The following GABRR2 variants were observed in gnomAD, a reference collection of about 807,000 sequenced individuals.
The protein encoded by GABRR2 is gamma-aminobutyric acid type A receptor subunit rho2, also known as gamma-aminobutyric acid receptor subunit rho-2.
In GABRR2, 36 loss-of-function variants were observed where a neutral mutation model predicts 47.0. The ratio of observed to expected loss-of-function variants is 0.77; its 90% CI spans 0.59 to 1.01. The LOEUF (loss-of-function observed/expected upper bound fraction) is 1.01, where lower values mean the gene tolerates loss of function less well. GABRR2 is among the 50% of genes least tolerant of loss of function. GABRR2 has a pLI of 0.00. For missense variants in GABRR2, 587 were observed against 594.6 expected, an observed-to-expected ratio of 0.99 and a Z score of 0.13; for synonymous variants, 204 against 227.5, an observed-to-expected ratio of 0.90 and a Z score of 0.93.
Position 89,258,722 on chromosome 6 carries a change from T to A in GABRR2, c.1087-741A>T, listed in dbSNP as rs568246225. ...GGTGACAGAGCAAAACCCTGTCTCT[T>A]TTTTTTAAAAAAAAAAGAAAGAAAG... On this transcript the variant is annotated intron_variant, in intron 8 of 8. Coordinates refer to ENST00000402938, the MANE Select transcript of GABRR2 (RefSeq NM_002043.5). Among the ~76,000 whole-genome samples the A allele has an allele frequency of 4.1e-3, 590 of 142,288 alleles. 9 individuals carry two copies. Among genetic ancestry groups the A allele is most frequent in the African/African-American group, 0.016 (572 of 36,274 alleles). The allele number at this position is 142,288 out of a possible 152,430, so 93.3% of individuals were successfully genotyped here.
At chr6:89,259,723 C>T (rs903683183) in intron 8 of GABRR2, among the ~76,000 whole-genome samples, 1 of 151,692 alleles carries the variant, frequency 6.6e-6, no homozygotes, top group Non-Finnish European at 1.5e-5. Flanking sequence ...AGGCTGGTCT[C>T]GAACTCCTGA....
At chr6:89,268,130 G>A (rs772398615) in intron 4 of GABRR2, 34 bp from the exon 5 acceptor site, 18 of 1,524,406 alleles carry the variant, frequency 1.2e-5, no homozygotes, top group African/African-American at 8.2e-5. Flanking sequence ...TGGCTTGTGC[G>A]GTGAATTATT....
chr6:89,303,103 G>A (rs1767485487), intron 1 of GABRR2: 1 of 654,176 alleles, frequency 1.5e-6, no homozygotes, highest in Non-Finnish European at 2.6e-6. Flanking sequence ...GGAGGCCCAG[G>A]GCCCCAAGTG....
At chr6:89,286,238 A>C (rs1765085847) in intron 2 of GABRR2, among the ~76,000 whole-genome samples, 1 of 152,222 alleles carries the variant, frequency 6.6e-6, no homozygotes, top group African/African-American at 2.4e-5. Context: ...AGAGAGTAGA[A>C]TAGTGGTTGC....
In GABRR2 at chr6:89,269,252, A is replaced by G. The variant is rs752938192; in HGVS notation, c.289-18T>C. On this transcript the variant is annotated intron_variant, in intron 3 of 8. Transcript: ENST00000402938. ...GTGAAGTCCTGTGGGAGCCGGGGTG[A>G]GACCAGACAAAAATGGCTTAGAAGG... The G allele has an allele frequency of 2.4e-5, 38 of 1,600,580 alleles. No homozygotes were observed. The East Asian group carries it at 8.5e-4, about 36-fold the overall frequency.
chr6:89,290,537 G>A (rs1774418336), intron 2 of GABRR2, among the ~76,000 whole-genome samples: 1 of 152,222 alleles, frequency 6.6e-6, no homozygotes, highest in African/African-American at 2.4e-5. Flanking sequence ...GCCCAAGTGT[G>A]GCCGGGAAGG....
chr6:89,255,645 C>T lies in GABRR2; in HGVS notation c.*2025G>A, dbSNP rs1369816074. ...CCCTAGTGTTGTGGAAAAAGCTAGTCGCTCACCTCCTCTTATCACAGCCTA... is the reference window on the plus strand; with the variant it reads ...CCCTAGTGTTGTGGAAAAAGCTAGTTGCTCACCTCCTCTTATCACAGCCTA... On this transcript the variant is annotated 3_prime_UTR_variant, in exon 9 of 9. Transcript: ENST00000402938. Among the ~76,000 whole-genome samples the T allele has an allele frequency of 2.0e-5, 3 of 152,058 alleles. No individual in the cohort carries two copies. The highest frequency in any genetic ancestry group is 6.6e-5 in the Admixed American group (1 of 15,262).
intron 2 of GABRR2, among the ~76,000 whole-genome samples, chr6:89,276,790 A>G (rs1774170442): frequency 6.6e-6 from 1 of 152,250 alleles, no homozygotes; most frequent in Non-Finnish European, 1.5e-5. Context: ...ATTGTTAAAT[A>G]TAGAGTCAGT....
chr6:89,265,825 C>A, intron 6 of GABRR2, 60 bp from the exon 7 acceptor site: 2 of 1,546,330 alleles, frequency 1.3e-6, no homozygotes, highest in Non-Finnish European at 1.8e-6. Flanking sequence ...CAAACTGTGT[C>A]CCTGGGAACC....
At chr6:89,289,402 A>G (rs1003982395) in intron 2 of GABRR2, among the ~76,000 whole-genome samples, 1 of 152,224 alleles carries the variant, frequency 6.6e-6, no homozygotes, top group African/African-American at 2.4e-5. Flanking sequence ...GCCAGAGGTG[A>G]TGCTGGAAGA....
intron 4 of GABRR2, among the ~76,000 whole-genome samples, chr6:89,268,658 G>A (rs1015745867): frequency 4.2e-5 from 1 of 23,544 alleles, no homozygotes; most frequent in East Asian, 7.5e-4. Flanking sequence ...TTGGGGGACG[G>A]GGGGGGGCTT....
At chr6:89,299,234 G>A (rs1774606991) in intron 2 of GABRR2, among the ~76,000 whole-genome samples, 1 of 152,114 alleles carries the variant, frequency 6.6e-6, no homozygotes, top group Admixed American at 6.6e-5. Context: ...AGCTCTTGTT[G>A]CTGCACTGGA....
At position 89,277,948 on chromosome 6, in the gene GABRR2, T is replaced by G. The variant is rs1224441730; in HGVS notation, c.221-6226A>C. Among the ~76,000 whole-genome samples, 4 of 151,998 alleles carry G rather than the reference T, an allele frequency of 2.6e-5. No homozygotes were observed. In the East Asian group the frequency reaches 7.7e-4, roughly 29 times the overall value. ...CAAAATGGAAGCTATGTACACCCCA[T>G]GACCCAGGGACTCTACTTCGAGAAA... On this transcript the variant is annotated intron_variant, in intron 2 of 8. Transcript: ENST00000402938.
chr6:89,299,816 G>C lies in GABRR2; in HGVS notation c.163C>G (p.Pro55Ala), dbSNP rs755835440. The C allele has an allele frequency of 6.2e-6, 10 of 1,613,812 alleles. No homozygotes were observed. In the South Asian group the frequency reaches 9.9e-5, roughly 16 times the overall value. ...TCGTCCACTCTGAGAAGCTGCTGAG[G>C]CTTTCCCTTCCGGATCTTGGTCACA... The part of the protein sequence containing the change: ...LDVTKIRKGK[P>A]QQLLRVDEHD... The change falls in exon 2 of 9, where the codon CCT (proline) becomes GCT (alanine). Residue 55 changes from proline to alanine, a missense_variant. Physicochemically the swap from Pro to Ala is conservative, Grantham distance 27. Transcript: ENST00000402938.
At chr6:89,307,654 C>A (rs1363072586) in intron 1 of GABRR2, among the ~76,000 whole-genome samples, 1 of 152,174 alleles carries the variant, frequency 6.6e-6, no homozygotes, top group East Asian at 1.9e-4. Context: ...TGAGAAACTG[C>A]TAACTCACCT....
intron 1 of GABRR2, among the ~76,000 whole-genome samples, chr6:89,303,664 A>T (rs925715126): frequency 6.6e-6 from 1 of 151,312 alleles, no homozygotes; most frequent in Non-Finnish European, 1.5e-5. Context: ...AAAAAAAAAA[A>T]AAAAACCCAA....
chr6:89,292,138 G>T (rs1774452639), intron 2 of GABRR2, among the ~76,000 whole-genome samples: 1 of 151,998 alleles, frequency 6.6e-6, no homozygotes, highest in Non-Finnish European at 1.5e-5. Context: ...TTTGGTTGGA[G>T]AACCTGACCT....
chr6:89,291,076 T>C (rs1774432005), intron 2 of GABRR2, among the ~76,000 whole-genome samples: 1 of 152,160 alleles, frequency 6.6e-6, no homozygotes, highest in Non-Finnish European at 1.5e-5. Flanking sequence ...CATTGCTTTT[T>C]CTCAGTGCTC....
chr6:89,302,407 G>A (rs754123778), intron 1 of GABRR2: 5 of 566,582 alleles, frequency 8.8e-6, no homozygotes, highest in Admixed American at 5.8e-5. Context: ...GGACATCTGC[G>A]TCAGCACCCT....
Sources: allele counts gnomAD v4.1 joint callset (sites outside exome capture counted in the v4.1 genomes callset), GRCh38; gene constraint gnomAD v4.1.1; transcripts MANE v1.5; gene names NCBI Gene and HGNC (gene_info 2026-07-23, HGNC 2026-07-21).